The following ARHGEF9 variants were observed in gnomAD, a reference collection of about 807,000 sequenced individuals.
The protein encoded by ARHGEF9 is rho guanine nucleotide exchange factor 9.
Under a neutral mutation model 41.3 loss-of-function variants are expected in ARHGEF9, and 2 were observed. The observed-to-expected ratio is 0.05, with a 90% CI of 0.02 to 0.15. ARHGEF9 has a LOEUF of 0.15. Among genes scored for constraint, ARHGEF9 ranks in the 10% least tolerant of loss-of-function variants. ARHGEF9 has a pLI of 1.00. For missense variants in ARHGEF9, 225 were observed against 424.7 expected (o/e 0.53, Z 4.13); for synonymous variants, 160 against 154.4 (o/e 1.04, Z -0.27).
intron 2 of ARHGEF9, chrX:63,719,569 A>C (rs2053522546): frequency 3.4e-6 from 1 of 290,838 alleles, no homozygotes; most frequent in South Asian, 2.2e-4. Context: ...GAACTCTAGA[A>C]TCTAATCCAA....
chrX:63,665,341 G>T (rs144418628), intron 7 of ARHGEF9, among the ~76,000 whole-genome samples: 5 of 112,305 alleles, frequency 4.5e-5, no homozygotes, highest in African/African-American at 1.3e-4. Context: ...AGAAGAGCAC[G>T]GTTGGGGGTT....
At chrX:63,720,541 GC>G (rs782541113) in intron 2 of ARHGEF9, among the ~76,000 whole-genome samples, 1 of 112,309 alleles carries the variant, frequency 8.9e-6, no homozygotes, top group African/African-American at 3.2e-5. Context: ...AAATAATTTG[GC>G]AGAAAACATA....
intron 2 of ARHGEF9, among the ~76,000 whole-genome samples, chrX:63,720,346 T>C (rs1304512506): frequency 9.0e-6 from 1 of 111,694 alleles, no homozygotes; most frequent in Non-Finnish European, 1.9e-5. Flanking sequence ...GCAAAAATAG[T>C]TGGAAAAAGT....
At chrX:63,657,337 T>C (rs1215186799) in intron 7 of ARHGEF9, 9 of 111,877 alleles carry the variant, frequency 8.0e-5, no homozygotes, top group African/African-American at 2.6e-4. Context: ...CAATCCTAAC[T>C]CTTCACATTG....
At chrX:63,645,691 G>A (rs1214932987) in intron 8 of ARHGEF9, among the ~76,000 whole-genome samples, 3 of 111,731 alleles carry the variant, frequency 2.7e-5, no homozygotes, top group Admixed American at 1.9e-4. Flanking sequence ...ATAAACATAC[G>A]TGTGCATGTG....
At chrX:63,716,232 G>A (rs782462374) in intron 2 of ARHGEF9, 3 of 109,173 alleles carry the variant, frequency 2.7e-5, no homozygotes, top group Admixed American at 9.8e-5. Flanking sequence ...GGGCTACAGC[G>A]AGCCATGATC....
Position 63,697,323 on chromosome X carries a change from C to T in ARHGEF9, c.403-19G>A, listed in dbSNP as rs782062229. The stretch of plus-strand genomic sequence containing the variant: ...GATAGCCCTGTAGACAAAGAAAAAG[C>T]CTAGGCTGAGGAAGTCCCTGACTTC... On this transcript the variant is annotated intron_variant, in intron 3 of 9. Coordinates refer to ENST00000671741, the MANE Select transcript of ARHGEF9 (RefSeq NM_001353921.2). The T allele has an allele frequency of 3.3e-6, 4 of 1,205,733 alleles. No homozygotes were observed. Among genetic ancestry groups the T allele is most frequent in the Admixed American group, 4.4e-5 (2 of 45,624 alleles).
intron 5 of ARHGEF9, among the ~76,000 whole-genome samples, chrX:63,676,473 C>T (rs1305980220): frequency 8.9e-5 from 10 of 112,216 alleles, no homozygotes; most frequent in African/African-American, 3.2e-4. Flanking sequence ...CCAATGGAAA[C>T]ACTCTACATT....
rs1322496011 is a variant in ARHGEF9, at chrX:63,688,079, T to G, written c.582+9046A>C. 1.7e-4 allele frequency among the ~76,000 whole-genome samples: 19 copies of G among 111,324 alleles called. No individual in the cohort carries two copies. The Admixed American group carries it at 1.8e-3, about 11-fold the overall frequency. On this transcript the variant is annotated intron_variant, in intron 4 of 9. Coordinates refer to ENST00000671741, the MANE Select transcript of ARHGEF9 (RefSeq NM_001353921.2). ...ATATAATAATCAAACTCTCAAAGGT[T>G]AACAGACAAAGAGGGAAATCTTAAA...
chrX:63,769,211 C>A (rs1472243430), intron 1 of ARHGEF9, among the ~76,000 whole-genome samples: 26 of 110,828 alleles, frequency 2.3e-4, no homozygotes, highest in Admixed American at 2.3e-3. Context: ...GTAACTGAAG[C>A]AAAGGTAACT....
At chrX:63,685,998 C>G (rs1393565377) in intron 4 of ARHGEF9, among the ~76,000 whole-genome samples, 1 of 111,518 alleles carries the variant, frequency 9.0e-6, no homozygotes, top group East Asian at 2.8e-4. Flanking sequence ...ACCATTCAAT[C>G]CAGCAATCCC....
chrX:63,684,622 A>C (rs2050863179), intron 4 of ARHGEF9, among the ~76,000 whole-genome samples: 1 of 111,415 alleles, frequency 9.0e-6, no homozygotes, highest in African/African-American at 3.3e-5. Context: ...ATGTGGAAGC[A>C]AACAAAGTGT....
At chrX:63,690,817 A>C (rs1470199950) in intron 4 of ARHGEF9, among the ~76,000 whole-genome samples, 2 of 112,091 alleles carry the variant, frequency 1.8e-5, no homozygotes, top group Non-Finnish European at 3.8e-5. Context: ...CAGGGACAAA[A>C]GTTTGGTTCA....
At chrX:63,771,169 TC>T (rs2056198711) in intron 1 of ARHGEF9, among the ~76,000 whole-genome samples, 1 of 112,105 alleles carries the variant, frequency 8.9e-6, no homozygotes, top group African/African-American at 3.2e-5. Context: ...CATTTGTATA[TC>T]TTGTGAAGGT....
chrX:63,785,154 C>T lies in ARHGEF9; in HGVS notation c.-9G>A, dbSNP rs2056441730. ...CCCCTTATCCACTGCATGGTGCTTGCGAAGTCCGGCTTCTCTGAGGCCCCG... is the reference window on the plus strand; with the variant it reads ...CCCCTTATCCACTGCATGGTGCTTGTGAAGTCCGGCTTCTCTGAGGCCCCG... On this transcript the variant is annotated 5_prime_UTR_variant, in exon 1 of 10. Transcript: ENST00000671741. The T allele has an allele frequency of 8.6e-7, 1 of 1,164,157 alleles. No individual in the cohort carries two copies. Among genetic ancestry groups the T allele is most frequent in the Admixed American group, 2.6e-5 (1 of 38,648 alleles).
rs1183082675 is a variant in ARHGEF9, at chrX:63,676,792, C to T, written c.815+1548G>A. 8.0e-5 allele frequency among the ~76,000 whole-genome samples: 9 copies of T among 112,483 alleles called. No homozygotes were observed. The South Asian group carries it at 2.6e-3, about 32-fold the overall frequency. ...ACTGTCCAACATGGTAGCTATTAGC[C>T]ATATTTAATCAAAATTAAGTAAAAT... is the stretch of plus-strand genomic sequence containing the variant. On this transcript the variant is annotated intron_variant, in intron 5 of 9. Coordinates refer to ENST00000671741, the MANE Select transcript of ARHGEF9 (RefSeq NM_001353921.2).
chrX:63,671,420 C>T (rs1423009042), intron 6 of ARHGEF9: 4 of 112,390 alleles, frequency 3.6e-5, no homozygotes, highest in East Asian at 5.6e-4. Context: ...TGGATGACCT[C>T]CCCAAGGTAG....
chrX:63,678,280 A>G (rs781871900), intron 5 of ARHGEF9, 60 bp downstream of exon 5: 1 of 995,323 alleles, frequency 1.0e-6, no homozygotes, highest in African/African-American at 1.9e-5. Flanking sequence ...TGTATTCTCA[A>G]TGAGAACCAA....
At chrX:63,775,105 C>T (rs1266412470) in intron 1 of ARHGEF9, among the ~76,000 whole-genome samples, 1 of 112,136 alleles carries the variant, frequency 8.9e-6, no homozygotes, top group East Asian at 2.8e-4. Flanking sequence ...TAGAGAAATG[C>T]AAATCAAAAC....
Sources: allele counts gnomAD v4.1 joint callset (sites outside exome capture counted in the v4.1 genomes callset), GRCh38; gene constraint gnomAD v4.1.1; transcripts MANE v1.5; gene names NCBI Gene and HGNC (gene_info 2026-07-23, HGNC 2026-07-21).